Variants in MYO1E observed in about 807,000 individuals in gnomAD.
The protein encoded by MYO1E is unconventional myosin-Ie.
MYO1E carries 68 observed loss-of-function variants against 151.1 expected under a neutral mutation model. The observed-to-expected ratio is 0.45, with a 90% CI of 0.37 to 0.55. MYO1E has a LOEUF of 0.55. Ranked by LOEUF, MYO1E falls within the 20% of genes least tolerant of loss-of-function variation. MYO1E has a pLI of 0.00. For synonymous variants in MYO1E, 601 were observed against 501.7 expected, an observed-to-expected ratio of 1.20 and a Z score of -2.64; for missense variants, 1,363 against 1,389.3, an observed-to-expected ratio of 0.98 and a Z score of 0.30.
intron 5 of MYO1E, among the ~76,000 whole-genome samples, chr15:59,234,284 G>A (rs553124066): frequency 4.6e-5 from 7 of 151,962 alleles, no homozygotes; most frequent in East Asian, 3.9e-4. Context: ...ATGGATGCAC[G>A]GATGGATGGA....
intron 1 of MYO1E, among the ~76,000 whole-genome samples, chr15:59,371,396 A>C (rs2080943489): frequency 6.6e-6 from 1 of 152,024 alleles, no homozygotes; most frequent in Admixed American, 6.6e-5. Context: ...GGACTACTTG[A>C]AAAGAAGCAA....
At chr15:59,287,901 A>T (rs1174582240) in intron 1 of MYO1E, among the ~76,000 whole-genome samples, 2 of 152,236 alleles carry the variant, frequency 1.3e-5, no homozygotes, top group African/African-American at 4.8e-5. Flanking sequence ...AAAATGCGTG[A>T]ATGAATGATT....
intron 1 of MYO1E, among the ~76,000 whole-genome samples, chr15:59,303,690 G>C (rs1344461018): frequency 5.3e-5 from 8 of 152,222 alleles, no homozygotes; most frequent in Non-Finnish European, 7.3e-5. Flanking sequence ...TGGCACTGAA[G>C]TGTGATCATC....
At chr15:59,278,470 C>G (rs2080334657) in intron 1 of MYO1E, among the ~76,000 whole-genome samples, 1 of 152,142 alleles carries the variant, frequency 6.6e-6, no homozygotes, top group African/African-American at 2.4e-5. Context: ...TGCCATTTTA[C>G]TGGACTGAAA....
rs71119441 is a variant in MYO1E, at chr15:59,209,815, C to CTTTTTTTTTTTTTTT, written c.1362+684_1362+698dup. 1.5e-3 allele frequency among the ~76,000 whole-genome samples: 77 copies of CTTTTTTTTTTTTTTT among 49,872 alleles called. 13 individuals carry two copies. Among genetic ancestry groups the CTTTTTTTTTTTTTTT allele is most frequent in the South Asian group, 2.5e-3 (3 of 1,190 alleles). The allele number at this position is 49,872 out of a possible 152,430, so 32.7% of individuals were successfully genotyped here. On this transcript the variant is annotated intron_variant, in intron 13 of 27. Coordinates refer to ENST00000288235, the MANE Select transcript of MYO1E (RefSeq NM_004998.4). ...CTGTATCACTTTTATTTTGAATCAC[C>CTTTTTTTTTTTTTTT]TTTTTTTTTTTTTTTTTTTTTTTTT...
intron 26 of MYO1E, among the ~76,000 whole-genome samples, chr15:59,141,984 G>A (rs961569544): frequency 5.4e-5 from 8 of 146,794 alleles, no homozygotes; most frequent in African/African-American, 1.8e-4. Flanking sequence ...GCGGGCGCTT[G>A]TAGTCCCAGC....
chr15:59,180,816 C>A (rs1014874508), intron 18 of MYO1E, among the ~76,000 whole-genome samples: 1 of 152,222 alleles, frequency 6.6e-6, no homozygotes, highest in South Asian at 2.1e-4. Context: ...GGCAATGGTG[C>A]CCCTGCCTAA....
Position 59,208,877 on chromosome 15 carries a change from G to C in MYO1E, c.1363-29C>G, listed in dbSNP as rs149279293. The C allele has an allele frequency of 5.4e-4, 869 of 1,613,414 alleles. 3 individuals carry two copies. In the African/African-American group the frequency reaches 1.0e-2, roughly 19 times the overall value. ...ATGGGAGCAAGAAGGCAAGGCCCTA[G>C]TCACTGACCTCTCCAAAACAGACAA... On this transcript the variant is annotated intron_variant, in intron 13 of 27. Transcript: ENST00000288235.
chr15:59,237,529 G>C (rs2080074027), intron 4 of MYO1E, among the ~76,000 whole-genome samples: 1 of 152,018 alleles, frequency 6.6e-6, no homozygotes, highest in Non-Finnish European at 1.5e-5. Flanking sequence ...TCTTTCTATT[G>C]GTACCCTTTG....
intron 4 of MYO1E, 88 bp from the exon 5 acceptor site, chr15:59,236,760 AC>A: frequency 8.0e-7 from 1 of 1,249,362 alleles, no homozygotes; most frequent in Non-Finnish European, 1.2e-6. Context: ...AAACAAACAA[AC>A]AAACAAAAAA....
At chr15:59,208,329 T>A (rs868343529) in intron 14 of MYO1E, 1 of 562,400 alleles carries the variant, frequency 1.8e-6, no homozygotes, top group Non-Finnish European at 3.2e-6. Context: ...GTTATATATA[T>A]GTAGTTGGCA....
In MYO1E at chr15:59,213,657, C is replaced by T. The variant is rs925043472; in HGVS notation, c.1275+571G>A. On this transcript the variant is annotated intron_variant, in intron 12 of 27. Coordinates refer to ENST00000288235, the MANE Select transcript of MYO1E (RefSeq NM_004998.4). ...TATTTTTTTTGTATGGATGGGGTCTCATTTTGTCCCGCAGGCTGGTCTTGA... is the reference window on the plus strand; with the variant it reads ...TATTTTTTTTGTATGGATGGGGTCTTATTTTGTCCCGCAGGCTGGTCTTGA... Among the ~76,000 whole-genome samples the T allele has an allele frequency of 2.0e-5, 3 of 151,764 alleles. No homozygotes were observed. The East Asian group carries it at 5.8e-4, about 29-fold the overall frequency.
At chr15:59,355,019 G>A (rs1394338937) in intron 1 of MYO1E, among the ~76,000 whole-genome samples, 1 of 152,166 alleles carries the variant, frequency 6.6e-6, no homozygotes, top group African/African-American at 2.4e-5. Context: ...TTAATCCGCT[G>A]GCTCTCATCA....
At chr15:59,237,983 A>G (rs942392931) in intron 4 of MYO1E, among the ~76,000 whole-genome samples, 2 of 152,186 alleles carry the variant, frequency 1.3e-5, no homozygotes, top group East Asian at 1.9e-4. Context: ...ATGACCTGCA[A>G]AAGTCTGAAC....
At chr15:59,239,570 G>T (rs1433194548) in intron 4 of MYO1E, among the ~76,000 whole-genome samples, 2 of 152,060 alleles carry the variant, frequency 1.3e-5, no homozygotes, top group African/African-American at 4.8e-5. Flanking sequence ...GGTTAATACT[G>T]TATTCAGACA....
intron 7 of MYO1E, among the ~76,000 whole-genome samples, 165 bp from the exon 8 acceptor site, chr15:59,224,988 T>G (rs1490044068): frequency 1.3e-5 from 2 of 152,242 alleles, no homozygotes; most frequent in Non-Finnish European, 2.9e-5. Context: ...CCAGGTCATC[T>G]CTGCAAATTT....
At chr15:59,188,392 A>G (rs1766293393) in intron 17 of MYO1E, among the ~76,000 whole-genome samples, 176 bp from the exon 18 acceptor site, 1 of 152,184 alleles carries the variant, frequency 6.6e-6, no homozygotes, top group South Asian at 2.1e-4. Context: ...GCTAATTTTT[A>G]AATATTGAAA....
chr15:59,256,214 T>C (rs926982962), intron 4 of MYO1E, 70 bp downstream of exon 4: 50 of 1,255,020 alleles, frequency 4.0e-5, no homozygotes, highest in Admixed American at 2.0e-4. Flanking sequence ...CCACTGCTTA[T>C]CGACCGAAAT....
At chr15:59,168,436 C>T (rs929429583) in intron 22 of MYO1E, among the ~76,000 whole-genome samples, 2 of 152,062 alleles carry the variant, frequency 1.3e-5, no homozygotes, top group South Asian at 4.2e-4. Context: ...GTCTCAGATA[C>T]TTAGGGGGCT....
Sources: allele counts gnomAD v4.1 joint callset (sites outside exome capture counted in the v4.1 genomes callset), GRCh38; gene constraint gnomAD v4.1.1; transcripts MANE v1.5; gene names NCBI Gene and HGNC (gene_info 2026-07-23, HGNC 2026-07-21).